Variants in LHFPL6 observed in about 807,000 individuals in gnomAD.
LHFPL6 encodes the protein LHFPL tetraspan subfamily member 6.
LHFPL6 carries 9 observed loss-of-function variants against 20.6 expected under a neutral mutation model. That is an observed-to-expected ratio of 0.44 (90% confidence interval 0.26 to 0.76). LHFPL6 has a LOEUF of 0.76. Among genes scored for constraint, LHFPL6 ranks in the 30% least tolerant of loss-of-function variants. The probability of loss-of-function intolerance (pLI) is 0.20; values close to 1 mark genes in which losing one functional copy is unlikely to be tolerated. For missense variants in LHFPL6, 218 were observed against 253.5 expected (o/e 0.86, Z 0.95); for synonymous variants, 105 against 98.7 (o/e 1.06, Z -0.38).
chr13:39,391,963 T>C (rs1221065748), intron 2 of LHFPL6, among the ~76,000 whole-genome samples: 1 of 152,224 alleles, frequency 6.6e-6, no homozygotes, highest in African/African-American at 2.4e-5. Flanking sequence ...TCCTTTCCGT[T>C]TTCTTTCTCT....
chr13:39,472,627 G>C lies in LHFPL6; in HGVS notation c.386-94101C>G, dbSNP rs922414223. On this transcript the variant is annotated intron_variant, in intron 2 of 3. Coordinates refer to ENST00000379589, the MANE Select transcript of LHFPL6 (RefSeq NM_005780.3). ...CATTTTAATTAATTTTTTTGTGTGT[G>C]TGATGGAGTCTCACTCTGTCGCCCA... Among the ~76,000 whole-genome samples, 3 of 152,056 alleles carry C rather than the reference G, an allele frequency of 2.0e-5. No homozygotes were observed. The South Asian group carries it at 6.2e-4, about 32-fold the overall frequency.
At chr13:39,380,160 T>C (rs900378349) in intron 2 of LHFPL6, among the ~76,000 whole-genome samples, 12 of 152,214 alleles carry the variant, frequency 7.9e-5, no homozygotes, top group Non-Finnish European at 1.5e-5. Flanking sequence ...ATTCCATGAA[T>C]GTTTAATAAA....
intron 2 of LHFPL6, among the ~76,000 whole-genome samples, chr13:39,443,458 T>G (rs1872193976): frequency 6.6e-6 from 1 of 152,076 alleles, no homozygotes; most frequent in Admixed American, 6.6e-5. Context: ...ACCTGAAAAG[T>G]GGAAGCAGCT....
intron 2 of LHFPL6, among the ~76,000 whole-genome samples, chr13:39,446,540 G>A (rs1872295012): frequency 6.6e-6 from 1 of 151,944 alleles, no homozygotes. Context: ...AGAGAACTGG[G>A]CCAGGGTAAA....
intron 2 of LHFPL6, among the ~76,000 whole-genome samples, chr13:39,431,334 G>A (rs188129803): frequency 6.6e-6 from 1 of 152,118 alleles, no homozygotes; most frequent in South Asian, 2.1e-4. Context: ...ACATCTGAAG[G>A]AACAAACTCC....
chr13:39,525,770 G>T (rs1049753383), intron 2 of LHFPL6, among the ~76,000 whole-genome samples: 7 of 152,042 alleles, frequency 4.6e-5, no homozygotes, highest in African/African-American at 1.7e-4. Context: ...GTTCATAACT[G>T]TATGCTGAAA....
At chr13:39,590,791 T>G (rs1872570095) in intron 2 of LHFPL6, among the ~76,000 whole-genome samples, 1 of 152,240 alleles carries the variant, frequency 6.6e-6, no homozygotes, top group African/African-American at 2.4e-5. Context: ...TGTTTATGAA[T>G]TTACATTCCT....
At chr13:39,599,684 C>G (rs1343690912) in intron 2 of LHFPL6, among the ~76,000 whole-genome samples, 2 of 152,222 alleles carry the variant, frequency 1.3e-5, no homozygotes, top group African/African-American at 4.8e-5. Flanking sequence ...AACTTTGCCA[C>G]TTGCATTTTC....
At chr13:39,554,891 A>G (rs1362053487) in intron 2 of LHFPL6, among the ~76,000 whole-genome samples, 3 of 152,232 alleles carry the variant, frequency 2.0e-5, no homozygotes, top group Non-Finnish European at 2.9e-5. Context: ...AGCATGGCAT[A>G]TGAACCTTTG....
intron 2 of LHFPL6, among the ~76,000 whole-genome samples, chr13:39,525,824 C>A (rs562966722): frequency 1.4e-4 from 21 of 151,968 alleles, no homozygotes; most frequent in African/African-American, 5.1e-4. Flanking sequence ...ACAGTAAAAT[C>A]ATAATCCTCA....
intron 2 of LHFPL6, among the ~76,000 whole-genome samples, chr13:39,479,034 T>TATAGATAGATAGATAGATAGATAG (rs34879497): frequency 6.9e-6 from 1 of 143,988 alleles, no homozygotes; most frequent in Non-Finnish European, 1.5e-5. Flanking sequence ...GGGAGATAGA[T>TATAGATAGATAGATAGATAGATAG]ATAGATAGAT....
At chr13:39,370,928 C>T (rs919615940) in intron 3 of LHFPL6, among the ~76,000 whole-genome samples, 1 of 152,074 alleles carries the variant, frequency 6.6e-6, no homozygotes, top group Non-Finnish European at 1.5e-5. Context: ...CTGACCTAGC[C>T]AGAAATTGCA....
chr13:39,438,824 A>G (rs1872034587), intron 2 of LHFPL6, among the ~76,000 whole-genome samples: 1 of 152,206 alleles, frequency 6.6e-6, no homozygotes, highest in African/African-American at 2.4e-5. Flanking sequence ...AGAGTACAAG[A>G]GTTGAGGTTT....
At chr13:39,554,478 T>C (rs951072834) in intron 2 of LHFPL6, among the ~76,000 whole-genome samples, 1 of 152,240 alleles carries the variant, frequency 6.6e-6, no homozygotes, top group Admixed American at 6.5e-5. Flanking sequence ...CAGAATGTTC[T>C]GAACAGTTGA....
chr13:39,498,049 G>A (rs552819997), intron 2 of LHFPL6, among the ~76,000 whole-genome samples: 13 of 152,160 alleles, frequency 8.5e-5, no homozygotes, highest in East Asian at 3.9e-4. Context: ...TATCAGTCAC[G>A]AGATTAAAAA....
chr13:39,369,346 T>C (rs1364599246), intron 3 of LHFPL6, among the ~76,000 whole-genome samples: 2 of 152,028 alleles, frequency 1.3e-5, no homozygotes, highest in Non-Finnish European at 2.9e-5. Flanking sequence ...AAAATAGACT[T>C]GAGAAAAAAA....
intron 2 of LHFPL6, among the ~76,000 whole-genome samples, chr13:39,536,673 T>A (rs951689815): frequency 4.6e-5 from 7 of 152,190 alleles, no homozygotes; most frequent in Non-Finnish European, 7.3e-5. Flanking sequence ...TTTCCGATCC[T>A]TCCCCCTTTA....
chr13:39,361,513 T>C (rs976499814), intron 3 of LHFPL6, among the ~76,000 whole-genome samples: 3 of 152,108 alleles, frequency 2.0e-5, no homozygotes. Flanking sequence ...AGATGGGGTT[T>C]CACCATGTTG....
rs533506935 is a variant in LHFPL6 at position 39,571,454 on chromosome 13, A to C, written c.385+29378T>G. Reference sequence around the variant, plus strand: ...AGTCAGTAGAGGAGGAGACGACCTGACTTCAGGGAGGTGACAGCCTGACAT... The same window carrying C: ...AGTCAGTAGAGGAGGAGACGACCTGCCTTCAGGGAGGTGACAGCCTGACAT... On this transcript the variant is annotated intron_variant, in intron 2 of 3. Transcript: ENST00000379589. Among the ~76,000 whole-genome samples the C allele has an allele frequency of 1.5e-4, 23 of 152,292 alleles. No individual in the cohort carries two copies. The East Asian group carries it at 4.1e-3, about 27-fold the overall frequency.
Sources: gnomAD v4.1 joint callset for allele counts (sites outside exome capture counted in the v4.1 genomes callset) on GRCh38, gnomAD v4.1.1 for gene constraint, MANE v1.5 for transcripts, NCBI Gene and HGNC (gene_info 2026-07-23, HGNC 2026-07-21) for gene names.